Variants in CNKSR2 observed in about 807,000 individuals in gnomAD.
The protein encoded by CNKSR2 is connector enhancer of kinase suppressor of Ras 2.
A neutral mutation model predicts 84.4 loss-of-function variants in CNKSR2; 14 were observed. The ratio of observed to expected loss-of-function variants is 0.17; its 90% CI spans 0.11 to 0.26. The LOEUF (loss-of-function observed/expected upper bound fraction) is 0.26, where lower values mean the gene tolerates loss of function less well. CNKSR2 is among the 10% of genes least tolerant of loss of function. The probability of loss-of-function intolerance (pLI) is 1.00; values close to 1 mark genes in which losing one functional copy is unlikely to be tolerated. For synonymous variants in CNKSR2, 275 were observed against 277.9 expected (o/e 0.99, Z 0.10); for missense variants, 485 against 771.2 (o/e 0.63, Z 4.40).
intron 1 of CNKSR2, among the ~76,000 whole-genome samples, chrX:21,410,508 A>G (rs1033424608): frequency 8.1e-5 from 9 of 111,308 alleles, no homozygotes; most frequent in African/African-American, 2.9e-4. Flanking sequence ...TGATTCTGAT[A>G]TATAAAGCAA....
At chrX:21,387,080 T>C (rs148994496) in intron 1 of CNKSR2, among the ~76,000 whole-genome samples, 1,810 of 112,522 alleles carry the variant, frequency 0.016, 22 homozygotes, top group African/African-American at 0.055. Flanking sequence ...AAGATGTATC[T>C]GATTTAATGT....
chrX:21,563,416 C>A lies in CNKSR2; in HGVS notation c.1572C>A (p.Ile524=). ...SLQMDALRQD[I]MGTPVPETTL... is the part of the protein sequence containing the mutation. ...AAATGGATGCACTGAGACAAGACATCATGGGCACTCCTGTGCCAGAGACCA... is the reference window on the plus strand; with the variant it reads ...AAATGGATGCACTGAGACAAGACATAATGGGCACTCCTGTGCCAGAGACCA... The change falls in exon 13 of 22, where the codon ATC becomes ATA. Residue 524 remains isoleucine, a synonymous_variant. Transcript: ENST00000379510. 1 of 1,209,807 alleles carries A rather than the reference C, an allele frequency of 8.3e-7. No homozygotes were observed. The highest frequency in any genetic ancestry group is 1.1e-6 in the Non-Finnish European group (1 of 893,940).
At chrX:21,476,086 A>T (rs773463865) in intron 5 of CNKSR2, among the ~76,000 whole-genome samples, 2 of 111,070 alleles carry the variant, frequency 1.8e-5, no homozygotes, top group African/African-American at 6.6e-5. Flanking sequence ...GTATTTAAGG[A>T]TGGGTAAAGA....
intron 11 of CNKSR2, among the ~76,000 whole-genome samples, chrX:21,550,606 A>G (rs1193637505): frequency 8.9e-6 from 1 of 112,491 alleles, no homozygotes; most frequent in Non-Finnish European, 1.9e-5. Flanking sequence ...TTTTATAAAG[A>G]CACATGCACA....
rs137948052 is a variant in CNKSR2, at chrX:21,600,427, C to T, written c.1977-855C>T. Among the ~76,000 whole-genome samples, 451 of 112,265 alleles carry T rather than the reference C, an allele frequency of 4.0e-3. 2 individuals are homozygous for T. The highest frequency in any genetic ancestry group is 0.014 in the African/African-American group (426 of 30,934). ...CTAGCTTGAAATGTAGGTTTTTCTTCAATTTCTGATTTGGGAAAGTATATG... is the reference window on the plus strand; with the variant it reads ...CTAGCTTGAAATGTAGGTTTTTCTTTAATTTCTGATTTGGGAAAGTATATG... On this transcript the variant is annotated intron_variant, in intron 17 of 21. Transcript: ENST00000379510.
intron 7 of CNKSR2, among the ~76,000 whole-genome samples, chrX:21,498,939 T>C: frequency 8.9e-6 from 1 of 111,952 alleles, no homozygotes; most frequent in South Asian, 3.7e-4. Context: ...CAGCATTTTC[T>C]TTTTAAAAAT....
chrX:21,617,948 G>A (rs2092585828), intron 20 of CNKSR2, among the ~76,000 whole-genome samples: 1 of 88,524 alleles, frequency 1.1e-5, no homozygotes, highest in African/African-American at 4.6e-5. Context: ...TACATCAGAA[G>A]TTCTCTTGCC....
intron 1 of CNKSR2, among the ~76,000 whole-genome samples, chrX:21,397,343 A>C (rs772827072): frequency 8.9e-4 from 99 of 111,774 alleles, no homozygotes; most frequent in Middle Eastern, 9.2e-3. Context: ...AAAACTCTTA[A>C]GTGTGAATTT....
At chrX:21,444,431 C>A (rs2147092197) in intron 4 of CNKSR2, among the ~76,000 whole-genome samples, 1 of 111,349 alleles carries the variant, frequency 9.0e-6, no homozygotes, top group South Asian at 3.8e-4. Flanking sequence ...AGTTCATCAT[C>A]CTGGCTTTGC....
chrX:21,534,011 C>T (rs2091906703), intron 11 of CNKSR2, among the ~76,000 whole-genome samples: 1 of 109,928 alleles, frequency 9.1e-6, no homozygotes, highest in Non-Finnish European at 1.9e-5. Context: ...CCTATAGCAC[C>T]GTAGAATACC....
At chrX:21,413,899 G>T (rs1430456322) in intron 1 of CNKSR2, among the ~76,000 whole-genome samples, 1 of 110,709 alleles carries the variant, frequency 9.0e-6, no homozygotes, top group African/African-American at 3.3e-5. Context: ...GAACAGAACT[G>T]CAACAAACTG....
chrX:21,526,775 A>G, intron 9 of CNKSR2, 92 bp from the exon 10 acceptor site: 1 of 788,678 alleles, frequency 1.3e-6, no homozygotes, highest in Non-Finnish European at 1.8e-6. Flanking sequence ...TTAAAATGAT[A>G]ACTATGTGTC....
At chrX:21,470,882 G>A in intron 5 of CNKSR2, 75 bp downstream of exon 5, 2 of 533,816 alleles carry the variant, frequency 3.7e-6, no homozygotes, top group Non-Finnish European at 5.9e-6. Context: ...TGAACCATAA[G>A]AAAAAAAATC....
At chrX:21,625,865 G>A (rs2092620879) in intron 20 of CNKSR2, among the ~76,000 whole-genome samples, 1 of 111,778 alleles carries the variant, frequency 8.9e-6, no homozygotes, top group Non-Finnish European at 1.9e-5. Flanking sequence ...AGTCTATTCA[G>A]TGTTCAGCTT....
At chrX:21,480,943 G>A (rs2091313019) in intron 5 of CNKSR2, among the ~76,000 whole-genome samples, 1 of 112,032 alleles carries the variant, frequency 8.9e-6, no homozygotes, top group African/African-American at 3.2e-5. Flanking sequence ...TAAGCACGCA[G>A]GAACTGAAGC....
intron 20 of CNKSR2, among the ~76,000 whole-genome samples, chrX:21,617,257 G>A (rs1260153616): frequency 1.8e-5 from 2 of 111,117 alleles, no homozygotes; most frequent in African/African-American, 6.5e-5. Context: ...CTAGCTTATT[G>A]TATAAAAACC....
chrX:21,437,843 C>T (rs944970010), intron 3 of CNKSR2, among the ~76,000 whole-genome samples: 2 of 111,227 alleles, frequency 1.8e-5, no homozygotes, highest in African/African-American at 6.5e-5. Flanking sequence ...ACCACCTTTA[C>T]AATCCAGTGT....
intron 4 of CNKSR2, among the ~76,000 whole-genome samples, chrX:21,448,529 A>G (rs1016911515): frequency 9.0e-6 from 1 of 111,604 alleles, no homozygotes. Flanking sequence ...ATTACATGAC[A>G]TAGATTTTCA....
chrX:21,404,902 C>A (rs760434557), intron 1 of CNKSR2, among the ~76,000 whole-genome samples: 25 of 109,980 alleles, frequency 2.3e-4, no homozygotes, highest in Non-Finnish European at 4.6e-4. Context: ...ATTTTCCCCT[C>A]ACTTATTTGA....
Sources: allele counts gnomAD v4.1 joint callset (sites outside exome capture counted in the v4.1 genomes callset), GRCh38; gene constraint gnomAD v4.1.1; transcripts MANE v1.5; gene names NCBI Gene and HGNC (gene_info 2026-07-23, HGNC 2026-07-21).